The following PAK5 variants were observed in gnomAD, a reference collection of about 807,000 sequenced individuals.
PAK5 encodes the protein p21 (RAC1) activated kinase 5, also known as serine/threonine-protein kinase PAK 5.
PAK5 carries 16 observed loss-of-function variants against 65.9 expected under a neutral mutation model. The ratio of observed to expected loss-of-function variants is 0.24; its 90% confidence interval spans 0.16 to 0.37. The LOEUF is 0.37. Ranked by LOEUF, PAK5 falls within the 10% of genes least tolerant of loss-of-function variation. The probability of loss-of-function intolerance (pLI) is 1.00; values close to 1 mark genes in which losing one functional copy is unlikely to be tolerated. For missense variants in PAK5, 785 were observed against 903.9 expected (o/e 0.87, Z 1.69); for synonymous variants, 371 against 354.9 (o/e 1.05, Z -0.51).
chr20:9,733,397 CTTTCT>C, intron 1 of PAK5, among the ~76,000 whole-genome samples: 1 of 151,142 alleles, frequency 6.6e-6, no homozygotes, highest in African/African-American at 2.4e-5. Flanking sequence ...CTCTTTCTTT[CTTTCT>C]TTCTTTCTTT....
chr20:9,793,082 C>T (rs1245074831), intron 1 of PAK5, among the ~76,000 whole-genome samples: 1 of 152,056 alleles, frequency 6.6e-6, no homozygotes, highest in Non-Finnish European at 1.5e-5. Context: ...ATTTTTTTCC[C>T]ATGTGGGCAG....
chr20:9,643,939 C>T (rs6056774), intron 3 of PAK5, among the ~76,000 whole-genome samples, 186 bp downstream of exon 3: 109,417 of 152,190 alleles, frequency 0.72, 39,576 homozygotes, highest in East Asian at 0.97. Context: ...CCAAAGTTCC[C>T]TTTCATGGGC....
chr20:9,539,477 T>C lies in PAK5; in HGVS notation c.2145A>G (p.Gln715=), dbSNP rs968854029. 2.5e-6 allele frequency: 4 copies of C among 1,613,930 alleles called. No individual in the cohort carries two copies. The highest frequency in any genetic ancestry group is 3.4e-6 in the Non-Finnish European group (4 of 1,179,962). Residue 715 remains glutamine (Q), a synonymous_variant, in exon 10 of 10, where the codon CAA becomes CAG. Transcript: ENST00000353224. The part of the protein sequence containing the change: ...PPSCIVPLMR[Q]YRHH ...AATCCTCTGCTCAGTGATGCCTGTA[T>C]TGTCTCATGAGGGGGACGATGCAAG... is the stretch of plus-strand genomic sequence containing the variant.
chr20:9,677,241 A>G (rs1600230651), intron 2 of PAK5, among the ~76,000 whole-genome samples: 1 of 152,304 alleles, frequency 6.6e-6, no homozygotes, highest in South Asian at 2.1e-4. Flanking sequence ...CTCTCTTCCA[A>G]CAAATCTAAT....
intron 1 of PAK5, among the ~76,000 whole-genome samples, chr20:9,779,470 G>A (rs6039575): frequency 0.028 from 3,902 of 141,422 alleles, 146 homozygotes; most frequent in African/African-American, 0.097. Flanking sequence ...CATTTTTCTT[G>A]GCTTTTTTTC....
At chr20:9,797,992 G>A (rs2049125050) in intron 1 of PAK5, among the ~76,000 whole-genome samples, 1 of 152,146 alleles carries the variant, frequency 6.6e-6, no homozygotes. Flanking sequence ...AGACCATTTA[G>A]AGAAGGCTGT....
In PAK5 at chr20:9,729,806, T is replaced by C. The variant is rs569034359; in HGVS notation, c.-161-18371A>G. On this transcript the variant is annotated intron_variant, in intron 1 of 9. Coordinates refer to ENST00000353224, the MANE Select transcript of PAK5 (RefSeq NM_177990.4). Reference sequence around the variant, plus strand: ...GTTTTTTTGTTTTTTTTACATATTCTTGTACTCATGCCCAACATGGCAAAA... The same window carrying C: ...GTTTTTTTGTTTTTTTTACATATTCCTGTACTCATGCCCAACATGGCAAAA... Among the ~76,000 whole-genome samples, 6 of 151,940 alleles carry C rather than the reference T, an allele frequency of 3.9e-5. No individual in the cohort carries two copies. In the East Asian group the frequency reaches 1.2e-3, roughly 29 times the overall value.
chr20:9,619,367 C>T (rs2046729186), intron 3 of PAK5, among the ~76,000 whole-genome samples: 1 of 152,172 alleles, frequency 6.6e-6, no homozygotes, highest in South Asian at 2.1e-4. Flanking sequence ...AACTGAAAAA[C>T]AATTCTATTC....
intron 3 of PAK5, among the ~76,000 whole-genome samples, chr20:9,600,310 C>T (rs1432668019): frequency 1.3e-5 from 2 of 152,066 alleles, no homozygotes; most frequent in African/African-American, 4.8e-5. Context: ...TGTTCTTTTT[C>T]AAGAGAGTTT....
At position 9,538,944 on chromosome 20, in the gene PAK5, T is replaced by A. The variant is rs1380163501; in HGVS notation, c.*518A>T. On this transcript the variant is annotated 3_prime_UTR_variant, in exon 10 of 10. Coordinates refer to ENST00000353224, the MANE Select transcript of PAK5 (RefSeq NM_177990.4). ...TGTTCAAACTCCTCTAGTAAACAAGTATTACTTCAACTGATACAATGGCTA... is the reference window on the plus strand; with the variant it reads ...TGTTCAAACTCCTCTAGTAAACAAGAATTACTTCAACTGATACAATGGCTA... The A allele has an allele frequency of 4.3e-6, 1 of 233,250 alleles. No homozygotes were observed. Among genetic ancestry groups the A allele is most frequent in the African/African-American group, 2.2e-5 (1 of 45,338 alleles). 14.4% of individuals were successfully genotyped at this position (233,250 alleles called of 1,614,324 possible).
In PAK5 at chr20:9,580,776, G is replaced by C. The variant is rs201131316; in HGVS notation, c.359C>G (p.Ala120Gly). ...GAAGGTGATGAAGCCATTTTCTTCCGCGTGGCCTGGACCGTGGCTGGAGGC... is the reference window on the plus strand; with the variant it reads ...GAAGGTGATGAAGCCATTTTCTTCCCCGTGGCCTGGACCGTGGCTGGAGGC... Reference protein sequence around the residue: ...QGASSHGPGHAEENGFITFSQ... With the variant: ...QGASSHGPGHGEENGFITFSQ... Residue 120 changes from alanine to glycine, a missense_variant, in exon 4 of 10, where the codon GCG (alanine) becomes GGG (glycine). Ala to Gly is a moderately conservative substitution (Grantham distance 60). Transcript: ENST00000353224. 1.5e-5 allele frequency: 25 copies of C among 1,613,730 alleles called. 1 individual carries two copies. The South Asian group carries it at 2.7e-4, about 18-fold the overall frequency.
intron 1 of PAK5, among the ~76,000 whole-genome samples, chr20:9,814,552 T>C (rs888966473): frequency 2.0e-5 from 3 of 152,172 alleles, no homozygotes; most frequent in African/African-American, 7.2e-5. Flanking sequence ...TGTTAACTAT[T>C]AGAGTTTTTA....
intron 3 of PAK5, among the ~76,000 whole-genome samples, chr20:9,585,081 C>A (rs2046045535): frequency 6.6e-6 from 1 of 152,176 alleles, no homozygotes; most frequent in Non-Finnish European, 1.5e-5. Flanking sequence ...CAATGCTTAA[C>A]TATATTAGAT....
chr20:9,731,732 A>G (rs1461341893), intron 1 of PAK5, among the ~76,000 whole-genome samples: 2 of 152,210 alleles, frequency 1.3e-5, no homozygotes, highest in Non-Finnish European at 2.9e-5. Context: ...TTTGCAGTGT[A>G]GAGGAAGTAT....
rs188089250 is a variant in PAK5, at chr20:9,653,986, C to T, written c.-11-9647G>A. 5.1e-4 allele frequency among the ~76,000 whole-genome samples: 76 copies of T among 148,294 alleles called. 1 individual carries two copies. The East Asian group carries it at 0.013, about 26-fold the overall frequency. ...CTTTTTTTTTTTTTTGACAGGGTCA[C>T]GTGCTGCCCCCCAGGCTGGAGTGCT... On this transcript the variant is annotated intron_variant, in intron 2 of 9. Transcript: ENST00000353224.
chr20:9,664,998 T>A (rs754626123), intron 2 of PAK5, among the ~76,000 whole-genome samples: 6 of 151,626 alleles, frequency 4.0e-5, no homozygotes, highest in Non-Finnish European at 8.8e-5. Context: ...TGGCCCTGAA[T>A]TCCTGGGCTC....
intron 3 of PAK5, among the ~76,000 whole-genome samples, chr20:9,596,512 T>C (rs2046269352): frequency 6.6e-6 from 1 of 151,642 alleles, no homozygotes; most frequent in Non-Finnish European, 1.5e-5. Flanking sequence ...GGTGGGCGCC[T>C]ATAGTCCCAG....
chr20:9,550,221 A>T (rs2206386), intron 7 of PAK5, among the ~76,000 whole-genome samples: 1 of 151,968 alleles, frequency 6.6e-6, no homozygotes, highest in Non-Finnish European at 1.5e-5. Context: ...CAAGCCTGTG[A>T]TTGGGACAAG....
chr20:9,781,558 G>A (rs1472064682), intron 1 of PAK5, among the ~76,000 whole-genome samples: 2 of 152,218 alleles, frequency 1.3e-5, no homozygotes. Context: ...ATCACTTGGA[G>A]CACTCGCCTG....
Sources: gnomAD v4.1 joint callset for allele counts (sites outside exome capture counted in the v4.1 genomes callset) on GRCh38, gnomAD v4.1.1 for gene constraint, MANE v1.5 for transcripts, NCBI Gene and HGNC (gene_info 2026-07-23, HGNC 2026-07-21) for gene names.